The following POLA2 variants were observed in gnomAD, a reference collection of about 807,000 sequenced individuals.
POLA2 encodes the protein DNA polymerase alpha subunit B.
In POLA2, 47 loss-of-function variants were observed where a neutral mutation model predicts 82.8. That is an observed-to-expected ratio of 0.57 (90% CI 0.45 to 0.72). The LOEUF is 0.72. POLA2 is among the 30% of genes least tolerant of loss of function. POLA2 has a pLI of 0.00. For missense variants in POLA2, 634 were observed against 728.1 expected (o/e 0.87, Z 1.49); for synonymous variants, 287 against 286.8 (o/e 1.00, Z -0.01).
At chr11:65,265,810 A>G (rs983723916) in intron 1 of POLA2, among the ~76,000 whole-genome samples, 1 of 152,154 alleles carries the variant, frequency 6.6e-6, no homozygotes, top group African/African-American at 2.4e-5. Context: ...TGCTTGTGTC[A>G]CCGCTTCTCA....
chr11:65,292,565 TC>T (rs1949766439), intron 13 of POLA2, among the ~76,000 whole-genome samples: 1 of 152,238 alleles, frequency 6.6e-6, no homozygotes, highest in African/African-American at 2.4e-5. Flanking sequence ...GCACAGATTG[TC>T]CCATTCAAGT....
intron 7 of POLA2, chr11:65,279,914 T>C: frequency 3.1e-6 from 1 of 327,166 alleles, no homozygotes. Context: ...CCCGGGGATT[T>C]CCCACAAATA....
At chr11:65,290,649 A>T (rs1949745452) in intron 13 of POLA2, among the ~76,000 whole-genome samples, 1 of 152,188 alleles carries the variant, frequency 6.6e-6, no homozygotes, top group South Asian at 2.1e-4. Context: ...AAACACAAAG[A>T]TAAACATACT....
At chr11:65,266,963 T>C (rs1678420517) in intron 2 of POLA2, among the ~76,000 whole-genome samples, 1 of 152,174 alleles carries the variant, frequency 6.6e-6, no homozygotes, top group South Asian at 2.1e-4. Flanking sequence ...ATCCCAGAAC[T>C]TTGGGAGGCC....
intron 2 of POLA2, among the ~76,000 whole-genome samples, chr11:65,267,025 G>A (rs542786111): frequency 1.3e-5 from 2 of 152,298 alleles, no homozygotes; most frequent in South Asian, 4.1e-4. Context: ...GGCCAACGTG[G>A]TGAAACCCTG....
At chr11:65,272,131 G>GA (rs1171397219) in intron 4 of POLA2, among the ~76,000 whole-genome samples, 1 of 152,058 alleles carries the variant, frequency 6.6e-6, no homozygotes, top group Non-Finnish European at 1.5e-5. Flanking sequence ...CCACCATGGT[G>GA]AAACCCCATC....
rs1262313701 is a variant in POLA2 at position 65,297,517 on chromosome 11, C to T, written c.*248C>T. 8.2e-6 allele frequency: 3 copies of T among 367,260 alleles called. No individual in the cohort carries two copies. In the Admixed American group the frequency reaches 1.3e-4, roughly 16 times the overall value. The allele number at this position is 367,260 out of a possible 1,614,324, so 22.8% of individuals were successfully genotyped here. A position where few individuals can be genotyped will look rare whatever the true frequency, so the allele number is the denominator to read the frequency against. Reference sequence around the variant, plus strand: ...TGCTCCGTGTCCAGAAGTAAGCCAGCTGTGGATCCCGCCCACTCAGAAAAG... The same window carrying T: ...TGCTCCGTGTCCAGAAGTAAGCCAGTTGTGGATCCCGCCCACTCAGAAAAG... On this transcript the variant is annotated 3_prime_UTR_variant, in exon 18 of 18. Transcript: ENST00000265465.
At chr11:65,281,262 C>G in intron 8 of POLA2, 115 bp downstream of exon 8, 5 of 1,101,448 alleles carry the variant, frequency 4.5e-6, no homozygotes, top group Non-Finnish European at 6.7e-6. Flanking sequence ...TGGGGTGCAG[C>G]TGGAGCACAT....
intron 10 of POLA2, among the ~76,000 whole-genome samples, chr11:65,283,904 G>A (rs1215607047): frequency 6.6e-6 from 1 of 151,746 alleles, no homozygotes; most frequent in Non-Finnish European, 1.5e-5. Flanking sequence ...GGCTGAGGTG[G>A]GAAGATCACT....
intron 1 of POLA2, among the ~76,000 whole-genome samples, chr11:65,264,867 A>T (rs1949441171): frequency 6.6e-6 from 1 of 152,160 alleles, no homozygotes; most frequent in Non-Finnish European, 1.5e-5. Context: ...TGTGCTTCCA[A>T]TCTTGCCTTT....
At chr11:65,300,862 G>A (rs942739137), downstream of POLA2, among the ~76,000 whole-genome samples, 11 of 152,230 alleles carry the variant, frequency 7.2e-5, no homozygotes, top group Admixed American at 5.2e-4. Flanking sequence ...GATTACAGGC[G>A]TAAGCCACTG....
chr11:65,268,685 G>A lies in POLA2; in HGVS notation c.310G>A (p.Glu104Lys), dbSNP rs1428406147. 1.3e-6 allele frequency: 2 copies of A among 1,598,036 alleles called. No homozygotes were observed. Among genetic ancestry groups the A allele is most frequent in the African/African-American group, 1.3e-5 (1 of 74,166 alleles). Reference protein sequence around the residue: ...VSIQELIEVEEEEEILLNSYT... With the variant: ...VSIQELIEVEKEEEILLNSYT... ...CAGTGTTCTTAGAATTGAAGTGGAAGAAGAAGAGGAAATCCTCTTGAACTC... is the reference window on the plus strand; with the variant it reads ...CAGTGTTCTTAGAATTGAAGTGGAAAAAGAAGAGGAAATCCTCTTGAACTC... The change falls in exon 4 of 18, where the codon GAA becomes AAA. Residue 104 changes from glutamate to lysine, a missense_variant. Physicochemically the swap from Glu to Lys is moderately conservative, Grantham distance 56. Transcript: ENST00000265465.
At position 65,267,497 on chromosome 11, in the gene POLA2, G is replaced by T; in HGVS notation, c.225G>T (p.Ser75=). 1 of 1,610,150 alleles carries T rather than the reference G, an allele frequency of 6.2e-7. No individual in the cohort carries two copies. Among genetic ancestry groups the T allele is most frequent in the Non-Finnish European group, 8.5e-7 (1 of 1,178,220 alleles). Residue 75 remains serine, a synonymous_variant, in exon 3 of 18, where the codon TCG becomes TCT. Coordinates refer to ENST00000265465, the MANE Select transcript of POLA2 (RefSeq NM_002689.4). The part of the protein sequence containing the change: ...FEHEFLSKRL[S]KARHSTCKDS... ...TTCAGTTTCTGAGCAAAAGATTATC[G>T]AAAGCCAGGCATAGTACCTGCAAGG...
At chr11:65,279,021 G>A (rs1314468865) in intron 6 of POLA2, 98 bp downstream of exon 6, 1 of 1,113,390 alleles carries the variant, frequency 9.0e-7, no homozygotes, top group South Asian at 1.5e-5. Flanking sequence ...CAAGTTCCAA[G>A]GTTGCCTTTC....
Position 65,297,112 on chromosome 11 carries a change from C to T in POLA2, c.1648-8C>T. ...CTCCAAACCTGTCACCTCTCCTCTC[C>T]TCCCCAGGATGTCCTCGGCTGTGTC... On this transcript the variant is annotated splice_region_variant and splice_polypyrimidine_tract_variant and intron_variant, in intron 17 of 17. Coordinates refer to ENST00000265465, the MANE Select transcript of POLA2 (RefSeq NM_002689.4). The T allele has an allele frequency of 6.2e-7, 1 of 1,613,990 alleles. No homozygotes were observed. Among genetic ancestry groups the T allele is most frequent in the Non-Finnish European group, 8.5e-7 (1 of 1,179,960 alleles).
At chr11:65,284,543 T>C (rs1949675578) in intron 10 of POLA2, among the ~76,000 whole-genome samples, 1 of 151,926 alleles carries the variant, frequency 6.6e-6, no homozygotes, top group Admixed American at 6.6e-5. Flanking sequence ...TTTTTTTTTT[T>C]TTTAGACAGA....
chr11:65,298,775 C>T (rs1357225727), downstream of POLA2: 1 of 152,212 alleles, frequency 6.6e-6, no homozygotes, highest in South Asian at 2.1e-4. Flanking sequence ...GTGGATTTTT[C>T]CGTTCTCCCC....
intron 12 of POLA2, 97 bp downstream of exon 12, chr11:65,289,185 A>T: frequency 1.1e-6 from 1 of 924,554 alleles, no homozygotes; most frequent in South Asian, 1.6e-5. Context: ...TGTAACAAAC[A>T]CATTAAGTCC....
downstream of POLA2, among the ~76,000 whole-genome samples, chr11:65,303,259 G>A (rs561850842): frequency 3.3e-5 from 5 of 151,378 alleles, no homozygotes; most frequent in Non-Finnish European, 7.4e-5. Flanking sequence ...GGAGAATGGC[G>A]TGAACCCGGG....
Sources: gnomAD v4.1 joint callset for allele counts (sites outside exome capture counted in the v4.1 genomes callset) on GRCh38, gnomAD v4.1.1 for gene constraint, MANE v1.5 for transcripts, NCBI Gene and HGNC (gene_info 2026-07-23, HGNC 2026-07-21) for gene names.